BPIFB3: variants seen among roughly 807,000 people sequenced by gnomAD.
BPIFB3 encodes BPI fold containing family B member 3.
BPIFB3 carries 49 observed loss-of-function variants against 53.1 expected under a neutral mutation model. That is an observed-to-expected ratio of 0.92 (90% CI 0.73 to 1.17). BPIFB3 has a LOEUF of 1.17. BPIFB3 is among the 50% of genes most tolerant of loss of function. The pLI is 0.00. For synonymous variants in BPIFB3, 271 were observed against 269.6 expected (o/e 1.01, Z -0.05); for missense variants, 628 against 592.5 (o/e 1.06, Z -0.62).
In BPIFB3 at chr20:33,063,535, T is replaced by G. The variant is rs1002929996; in HGVS notation, c.592-80T>G. The G allele has an allele frequency of 5.3e-6, 8 of 1,500,752 alleles. No individual in the cohort carries two copies. The African/African-American group carries it at 1.1e-4, about 21-fold the overall frequency. 93.0% of individuals were successfully genotyped at this position (1,500,752 alleles called of 1,614,324 possible). A position where few individuals can be genotyped will look rare whatever the true frequency, so the allele number is the denominator to read the frequency against. ...GTCCCCAGCACCACATAGCAGCAGATAGCAAAGCATTTAAAGAACATGCAG... is the reference window on the plus strand; with the variant it reads ...GTCCCCAGCACCACATAGCAGCAGAGAGCAAAGCATTTAAAGAACATGCAG... On this transcript the variant is annotated intron_variant, in intron 5 of 14. Coordinates refer to ENST00000375494, the Ensembl canonical transcript of BPIFB3.
At chr20:33,068,838 A>G in exon 10 of BPIFB3, 2 of 1,613,844 alleles carry the variant, frequency 1.2e-6, no homozygotes, top group Non-Finnish European at 8.5e-7. Flanking sequence ...AGCAACTCCT[A>G]CTGTTCCTGC....
At chr20:33,060,074 A>G in intron 4 of BPIFB3, 43 bp downstream of exon 5, 1 of 1,601,088 alleles carries the variant, frequency 6.2e-7, no homozygotes, top group Non-Finnish European at 8.5e-7. Context: ...CCCGCTCAGG[A>G]TCATCTCGCA....
At chr20:33,067,944 A>G (rs1980732691) in intron 9 of BPIFB3, among the ~76,000 whole-genome samples, 1 of 152,228 alleles carries the variant, frequency 6.6e-6, no homozygotes, top group South Asian at 2.1e-4. Flanking sequence ...CCAGCAGGCA[A>G]GGGACATACT....
chr20:33,072,864 A>C, intron 14 of BPIFB3, 71 bp downstream of exon 15: 1 of 1,259,322 alleles, frequency 7.9e-7, no homozygotes, highest in South Asian at 1.2e-5. Flanking sequence ...CTTGAAACTA[A>C]TGAGGGGAAT....
Position 33,055,432 on chromosome 20 carries a change from A to C in BPIFB3, c.9A>C (p.Pro3=), listed in dbSNP as rs1174111236. ...TTCTGCTCCTTATAGGCATGCAGCC[A>C]GTCATGCTGGCCCTGTGGTCCCTGC... Residue 3 remains proline (P), a synonymous_variant, in exon 1 of 15, where the codon CCA becomes CCC. Coordinates refer to ENST00000375494, the Ensembl canonical transcript of BPIFB3. 1.9e-6 allele frequency: 3 copies of C among 1,613,612 alleles called. No individual in the cohort carries two copies. In the Admixed American group the frequency reaches 5.0e-5, roughly 27 times the overall value.
intron 5 of BPIFB3, 53 bp downstream of exon 6, chr20:33,061,884 TC>T (rs1157474368): frequency 4.5e-5 from 71 of 1,594,972 alleles, no homozygotes; most frequent in Non-Finnish European, 5.8e-5. Context: ...TGGGCCTCTT[TC>T]CCCCTCTGGT....
chr20:33,056,594 G>C, exon 2 of BPIFB3: 2 of 1,613,990 alleles, frequency 1.2e-6, no homozygotes, highest in African/African-American at 2.7e-5. Flanking sequence ...TGCTGGGATC[G>C]GTCACAGCTG....
At chr20:33,060,071 A>G in intron 4 of BPIFB3, 40 bp downstream of exon 5, 1 of 1,603,580 alleles carries the variant, frequency 6.2e-7, no homozygotes. Flanking sequence ...TGACCCGCTC[A>G]GGATCATCTC....
chr20:33,056,423 T>C, intron 1 of BPIFB3, 119 bp from the exon 3 acceptor site: 1 of 1,332,226 alleles, frequency 7.5e-7, no homozygotes, highest in South Asian at 1.3e-5. Flanking sequence ...GTGTAACCTC[T>C]GGGTTAATTC....
rs1980468439 is a variant in BPIFB3, at chr20:33,061,765, C to T, written c.528-3C>T. The T allele has an allele frequency of 6.2e-7, 1 of 1,614,158 alleles. No homozygotes were observed. Among genetic ancestry groups the T allele is most frequent in the Non-Finnish European group, 8.5e-7 (1 of 1,179,996 alleles). On this transcript the variant is annotated splice_region_variant and splice_polypyrimidine_tract_variant and intron_variant, in intron 4 of 14. Transcript: ENST00000375494. Reference sequence around the variant, plus strand: ...GCACCCACATGTGTCTCCCTCTGCTCAGGCTGCTGCCCACACCACTCTTTG... The same window carrying T: ...GCACCCACATGTGTCTCCCTCTGCTTAGGCTGCTGCCCACACCACTCTTTG...
chr20:33,059,500 A>G lies in BPIFB3; in HGVS notation c.386+18A>G, dbSNP rs771368871. The G allele has an allele frequency of 6.4e-7, 1 of 1,572,740 alleles. No individual in the cohort carries two copies. The highest frequency in any genetic ancestry group is 1.1e-5 in the South Asian group (1 of 87,684). On this transcript the variant is annotated intron_variant, in intron 3 of 14. Transcript: ENST00000375494. ...TGCTCTGGGTGAGTGTGTCCTGGGG[A>G]CCTCTACCCTCCTGCTTCCTATCCC...
exon 8 of BPIFB3, chr20:33,064,821 C>T (rs746212339): frequency 3.7e-6 from 6 of 1,613,348 alleles, no homozygotes; most frequent in South Asian, 2.2e-5. Flanking sequence ...ACGGCGCCCT[C>T]GACATGGACA....
intron 6 of BPIFB3, among the ~76,000 whole-genome samples, chr20:33,064,119 A>G (rs377101649): frequency 6.6e-6 from 1 of 152,212 alleles, no homozygotes; most frequent in East Asian, 1.9e-4. Context: ...GGGAAAATAT[A>G]AAAAGGCACA....
intron 9 of BPIFB3, among the ~76,000 whole-genome samples, 159 bp downstream of exon 10, chr20:33,067,036 C>T (rs182099730): frequency 3.3e-5 from 5 of 152,360 alleles, no homozygotes; most frequent in African/African-American, 1.2e-4. Context: ...GACATCCTTT[C>T]CTGATAGCAG....
chr20:33,064,707 C>T (rs147827868), exon 8 of BPIFB3: 2 of 1,613,976 alleles, frequency 1.2e-6, no homozygotes, highest in Non-Finnish European at 1.7e-6. Flanking sequence ...TTGACTTCCC[C>T]AAGTCCCGTG....
Position 33,072,709 on chromosome 20 carries a change from T to C in BPIFB3, c.1325-8T>C. ...GTACCTTTGTTTTCAACGATTCTCT[T>C]TTCACAGTGGCCCTGGATGTTGGAA... is the stretch of plus-strand genomic sequence containing the variant. On this transcript the variant is annotated splice_region_variant and splice_polypyrimidine_tract_variant and intron_variant, in intron 13 of 14. Coordinates refer to ENST00000375494, the Ensembl canonical transcript of BPIFB3. The C allele has an allele frequency of 1.2e-6, 2 of 1,611,368 alleles. No homozygotes were observed. The highest frequency in any genetic ancestry group is 1.7e-6 in the Non-Finnish European group (2 of 1,177,518).
At chr20:33,063,495 T>C in intron 5 of BPIFB3, 120 bp from the exon 7 acceptor site, 6 of 1,074,430 alleles carry the variant, frequency 5.6e-6, no homozygotes, top group Non-Finnish European at 8.5e-6. Flanking sequence ...TGTCTCTGCC[T>C]TCCGCCTTGC....
chr20:33,073,590 G>C (rs758492484), exon 15 of BPIFB3: 42 of 1,613,990 alleles, frequency 2.6e-5, no homozygotes. Flanking sequence ...CTGTTGTGCT[G>C]ACCGTGGCAT....
chr20:33,063,925 G>T (rs138033912), intron 6 of BPIFB3, among the ~76,000 whole-genome samples: 11 of 152,278 alleles, frequency 7.2e-5, no homozygotes, highest in Non-Finnish European at 1.3e-4. Flanking sequence ...CACTTACTGA[G>T]CACCTAGTGT....
Sources: gnomAD v4.1 joint callset for allele counts (sites outside exome capture counted in the v4.1 genomes callset) on GRCh38, gnomAD v4.1.1 for gene constraint, MANE v1.5 for transcripts, NCBI Gene and HGNC (gene_info 2026-07-23, HGNC 2026-07-21) for gene names.